Variants in PLCB2 observed in about 807,000 individuals in gnomAD.
PLCB2 encodes the protein phospholipase C beta 2.
A neutral mutation model predicts 141.7 loss-of-function variants in PLCB2; 115 were observed. The observed-to-expected ratio is 0.81, with a 90% CI of 0.70 to 0.95. The LOEUF (loss-of-function observed/expected upper bound fraction) is 0.95, where lower values mean the gene tolerates loss of function less well. Ranked by LOEUF, PLCB2 falls within the 40% of genes least tolerant of loss-of-function variation. The pLI is 0.00. For missense variants in PLCB2, 1,403 were observed against 1,541.1 expected (o/e 0.91, Z 1.50); for synonymous variants, 603 against 595.6 (o/e 1.01, Z -0.18).
Position 40,290,626 on chromosome 15 carries a change from G to C in PLCB2, c.3160C>G (p.Arg1054Gly). ...GTGACTTTGGTCATGCCCTGGATCC[G>C]CTCCAGTCTCTTTGTCTCCAGCTTT... ...KKKLETKRLE[R>G]IQGMTKVTTD... is the part of the protein sequence containing the mutation. Residue 1054 changes from arginine to glycine, a missense_variant, in exon 29 of 32, where the codon CGG becomes GGG. Coordinates refer to ENST00000260402, the MANE Select transcript of PLCB2 (RefSeq NM_004573.3). 6.2e-7 allele frequency: 1 copy of C among 1,614,124 alleles called. No homozygotes were observed. Among genetic ancestry groups the C allele is most frequent in the Non-Finnish European group, 8.5e-7 (1 of 1,180,008 alleles).
Position 40,290,813 on chromosome 15 carries a change from C to T in PLCB2, c.3061G>A (p.Ala1021Thr), listed in dbSNP as rs562330280. The part of the protein sequence containing the change: ...AEQISKMMEL[A>T]REKQAAELKA... The stretch of plus-strand genomic sequence containing the variant: ...AGCTCTGCCGCCTGTTTCTCTCTGG[C>T]CAGCTCCATCATTTTGGAGATTTGC... Residue 1021 changes from alanine (A) to threonine (T), a missense_variant, in exon 28 of 32, where the codon GCC becomes ACC. Transcript: ENST00000260402. 6.1e-5 allele frequency: 99 copies of T among 1,613,480 alleles called. 1 individual carries two copies. The South Asian group carries it at 9.7e-4, about 16-fold the overall frequency.
At chr15:40,293,844 C>T in intron 19 of PLCB2, 120 bp from the exon 20 acceptor site, 2 of 969,638 alleles carry the variant, frequency 2.1e-6, no homozygotes, top group South Asian at 3.2e-5. Flanking sequence ...TGAAGAACCT[C>T]ACTCAGCTCT....
downstream of PLCB2, among the ~76,000 whole-genome samples, chr15:40,285,071 G>C (rs1215909449): frequency 6.6e-6 from 1 of 152,076 alleles, no homozygotes; most frequent in Non-Finnish European, 1.5e-5. Context: ...GTGGCAAAGT[G>C]GGCTCATGGC....
rs758327293 is a variant in PLCB2 at position 40,291,876 on chromosome 15, A to ATG, written c.2574_2575insCA (p.Leu859HisfsTer21). 1 of 1,614,100 alleles carries ATG rather than the reference A, an allele frequency of 6.2e-7. No individual in the cohort carries two copies. Among genetic ancestry groups the ATG allele is most frequent in the South Asian group, 1.1e-5 (1 of 91,086 alleles). ...GGTGACCCATTGCTCGTTGGGGCCAACGCCCCATTGACCTGGCTGGCAACT... is the reference window on the plus strand; with the variant it reads ...GGTGACCCATTGCTCGTTGGGGCCAATGCGCCCCATTGACCTGGCTGGCAACT... On this transcript the variant is annotated frameshift_variant, in exon 24 of 32. Coordinates refer to ENST00000260402, the MANE Select transcript of PLCB2 (RefSeq NM_004573.3). LOFTEE classifies it high-confidence loss of function.
chr15:40,304,065 G>T lies in PLCB2; in HGVS notation c.98C>A (p.Ala33Asp). 6.3e-7 allele frequency: 1 copy of T among 1,598,722 alleles called. No individual in the cohort carries two copies. Among genetic ancestry groups the T allele is most frequent in the South Asian group, 1.1e-5 (1 of 88,144 alleles). The stretch of plus-strand genomic sequence containing the variant: ...ATCCACACGGAGGATAACTGGAGAG[G>T]CAACTGTAGTTTCCTGCAGAGAGAA... ...FIKWDDETTVASPVILRVDPK... is the reference protein window; with the variant it reads ...FIKWDDETTVDSPVILRVDPK... The change falls in exon 2 of 32, where the codon GCC becomes GAC. Residue 33 changes from alanine to aspartate, a missense_variant. Around this residue, in one of 4 missense-constraint regions of PLCB2, gnomAD observed 975 missense variants for 1,141.1 expected, o/e 0.85. Coordinates refer to ENST00000260402, the MANE Select transcript of PLCB2 (RefSeq NM_004573.3).
At position 40,304,057 on chromosome 15, in the gene PLCB2, C is replaced by A. The variant is rs543577992; in HGVS notation, c.106G>T (p.Val36Phe). ...WDDETTVASPVILRVDPKGYY... is the reference protein window; with the variant it reads ...WDDETTVASPFILRVDPKGYY... Reference sequence around the variant, plus strand: ...CCCTTAGGATCCACACGGAGGATAACTGGAGAGGCAACTGTAGTTTCCTGC... The same window carrying A: ...CCCTTAGGATCCACACGGAGGATAAATGGAGAGGCAACTGTAGTTTCCTGC... Residue 36 changes from valine to phenylalanine, a missense_variant, in exon 2 of 32, where the codon GTT (valine) becomes TTT (phenylalanine). Val to Phe is a conservative substitution (Grantham distance 50). Transcript: ENST00000260402. 1 of 1,600,588 alleles carries A rather than the reference C, an allele frequency of 6.2e-7. No homozygotes were observed. The highest frequency in any genetic ancestry group is 1.1e-5 in the South Asian group (1 of 88,348).
chr15:40,296,812 T>G lies in PLCB2; in HGVS notation c.1420A>C (p.Ser474Arg). 6.2e-7 allele frequency: 1 copy of G among 1,614,150 alleles called. No homozygotes were observed. Among genetic ancestry groups the G allele is most frequent in the Non-Finnish European group, 8.5e-7 (1 of 1,179,986 alleles). The change falls in exon 14 of 32, where the codon AGT becomes CGT. Residue 474 changes from serine to arginine, a missense_variant. Coordinates refer to ENST00000260402, the MANE Select transcript of PLCB2 (RefSeq NM_004573.3). Reference sequence around the variant, plus strand: ...TCAGCCTCCCCACCAGTATCCTTACTGGAGGAGGTGGGGCCAGAAAACTGG... The same window carrying G: ...TCAGCCTCCCCACCAGTATCCTTACGGGAGGAGGTGGGGCCAGAAAACTGG... ...KNQFSGPTSS[S>R]KDTGGEAEGS...
Position 40,296,650 on chromosome 15 carries a change from C to T in PLCB2, c.1487-16G>A, listed in dbSNP as rs990034313. The T allele has an allele frequency of 6.2e-7, 1 of 1,612,792 alleles. No individual in the cohort carries two copies. Among genetic ancestry groups the T allele is most frequent in the East Asian group, 2.2e-5 (1 of 44,868 alleles). On this transcript the variant is annotated splice_polypyrimidine_tract_variant and intron_variant, in intron 14 of 31. Coordinates refer to ENST00000260402, the MANE Select transcript of PLCB2 (RefSeq NM_004573.3). ...CCAGCCCACACTGCCACATACAGCT[C>T]TGTCGGCACTGGCTCCTGCATGGCT...
Position 40,295,193 on chromosome 15 carries a change from A to G in PLCB2, c.1781+8T>C, listed in dbSNP as rs944831526. ...CAAGGACCCTGGCCACTGAAACCTC[A>G]AGGATACTCCACAAACTGCACCGAG... On this transcript the variant is annotated splice_region_variant and intron_variant, in intron 17 of 31. Coordinates refer to ENST00000260402, the MANE Select transcript of PLCB2 (RefSeq NM_004573.3). 1 of 1,611,970 alleles carries G rather than the reference A, an allele frequency of 6.2e-7. No homozygotes were observed. Among genetic ancestry groups the G allele is most frequent in the African/African-American group, 1.3e-5 (1 of 74,984 alleles).
chr15:40,297,723 G>T lies in PLCB2; in HGVS notation c.1239-118C>A. 1.0e-6 allele frequency: 1 copy of T among 975,194 alleles called. No homozygotes were observed. The highest frequency in any genetic ancestry group is 1.6e-6 in the Non-Finnish European group (1 of 625,084). The allele number at this position is 975,194 out of a possible 1,614,324, so 60.4% of individuals were successfully genotyped here. A position where few individuals can be genotyped will look rare whatever the true frequency, so the allele number is the denominator to read the frequency against. ...CAGGAGGTCAGGGAGGCTGGGACTC[G>T]AGCAGGAGAACATGAGGCCTTAGGG... On this transcript the variant is annotated intron_variant, in intron 12 of 31. Coordinates refer to ENST00000260402, the MANE Select transcript of PLCB2 (RefSeq NM_004573.3). This position sits in a 1 kb window ranked among gnomAD's most constrained non-coding sequence, Gnocchi z 4.2.
intron 3 of PLCB2, 58 bp from the exon 4 acceptor site, chr15:40,302,667 G>A: frequency 6.3e-7 from 1 of 1,586,650 alleles, no homozygotes; most frequent in South Asian, 1.1e-5. Flanking sequence ...GCCCAGTGTG[G>A]CTCTCTCTGG....
chr15:40,286,708 C>T (rs928843816), downstream of PLCB2, among the ~76,000 whole-genome samples: 1 of 152,198 alleles, frequency 6.6e-6, no homozygotes, highest in Non-Finnish European at 1.5e-5. Context: ...ACATCCCCTG[C>T]AGCCAGAGAC....
At position 40,292,098 on chromosome 15, in the gene PLCB2, A is replaced by C. The variant is rs757739588; in HGVS notation, c.2492T>G (p.Val831Gly). Reference sequence around the variant, plus strand: ...ACCTCCCATGGCCTCCTTGAGCTTCACAGACTTCGTGTCATGGGCACTGAA... The same window carrying C: ...ACCTCCCATGGCCTCCTTGAGCTTCCCAGACTTCGTGTCATGGGCACTGAA... ...KFFSAHDTKS[V>G]KLKEAMGGLP... Residue 831 changes from valine to glycine, a missense_variant, in exon 23 of 32, where the codon GTG (valine) becomes GGG (glycine). Around this residue, in one of 4 missense-constraint regions of PLCB2, gnomAD observed 975 missense variants for 1,141.1 expected, o/e 0.85. Coordinates refer to ENST00000260402, the MANE Select transcript of PLCB2 (RefSeq NM_004573.3). 1.2e-6 allele frequency: 2 copies of C among 1,614,204 alleles called. No individual in the cohort carries two copies. The highest frequency in any genetic ancestry group is 2.2e-5 in the South Asian group (2 of 91,084).
rs1235306600 is a variant in PLCB2 at position 40,297,949 on chromosome 15, T to A, written c.1166A>T (p.Glu389Val). The change falls in exon 12 of 32, where the codon GAG becomes GTG. Residue 389 changes from glutamate (E) to valine (V), a missense_variant. Physicochemically the swap from Glu to Val is moderately radical, Grantham distance 121. Around this residue, in one of 4 missense-constraint regions of PLCB2, gnomAD observed 975 missense variants for 1,141.1 expected, o/e 0.85. Coordinates refer to ENST00000260402, the MANE Select transcript of PLCB2 (RefSeq NM_004573.3). The surrounding 1 kb of genome is among the most constrained non-coding windows in gnomAD (Gnocchi z 4.2). ...CTTAAAGGCGCTTTCTGCAATAGCC[T>A]CAATTGCTTCCTGGAGGAGAAGGAG... ...TTDIFFKEAI[E>V]AIAESAFKTS... 6.2e-6 allele frequency: 10 copies of A among 1,608,006 alleles called. No homozygotes were observed. The highest frequency in any genetic ancestry group is 7.7e-6 in the Non-Finnish European group (9 of 1,174,768).
chr15:40,307,545 C>T lies in PLCB2; in HGVS notation c.84+44G>A, dbSNP rs111488628. 5.3e-6 allele frequency: 7 copies of T among 1,310,982 alleles called. No individual in the cohort carries two copies. The African/African-American group carries it at 7.4e-5, about 14-fold the overall frequency. 81.2% of individuals were successfully genotyped at this position (1,310,982 alleles called of 1,614,324 possible). A position where few individuals can be genotyped will look rare whatever the true frequency, so the allele number is the denominator to read the frequency against. On this transcript the variant is annotated intron_variant, in intron 1 of 31. Transcript: ENST00000260402. ...GCAAAGCCCCGTAGCAGCCCGGCCC[C>T]CACCACCTGGTGCTCCAGCAGCTGA... is the stretch of plus-strand genomic sequence containing the variant.
chr15:40,296,867 C>T lies in PLCB2; in HGVS notation c.1365G>A (p.Arg455=). ...TCTTGTTCTTGATGAGGATCTTGCC[C>T]CTGAGATCCTCAGGGCTGGGCAGGG... is the stretch of plus-strand genomic sequence containing the variant. ...GVPLPSPEDL[R]GKILIKNKKN... is the part of the protein sequence containing the mutation. Residue 455 remains arginine, a synonymous_variant, in exon 14 of 32, where the codon AGG becomes AGA. Coordinates refer to ENST00000260402, the MANE Select transcript of PLCB2 (RefSeq NM_004573.3). 6.2e-7 allele frequency: 1 copy of T among 1,614,044 alleles called. No homozygotes were observed. Among genetic ancestry groups the T allele is most frequent in the Non-Finnish European group, 8.5e-7 (1 of 1,179,966 alleles).
chr15:40,304,240 G>A (rs903996440), intron 1 of PLCB2, among the ~76,000 whole-genome samples, 162 bp from the exon 2 acceptor site: 22 of 152,334 alleles, frequency 1.4e-4, no homozygotes, highest in African/African-American at 4.8e-4. Context: ...AGGAGGGACA[G>A]AGGATTGGGG....
Position 40,292,999 on chromosome 15 carries a change from G to A in PLCB2, c.2253C>T (p.Leu751=), listed in dbSNP as rs980064485. 3 of 1,605,148 alleles carry A rather than the reference G, an allele frequency of 1.9e-6. No homozygotes were observed. In the African/African-American group the frequency reaches 4.0e-5, roughly 22 times the overall value. ...TGCCTTCCTCCATCACAGCCACTCTGAGGGAGGCCAGCTCAGGCATCAAGA... is the reference window on the plus strand; with the variant it reads ...TGCCTTCCTCCATCACAGCCACTCTAAGGGAGGCCAGCTCAGGCATCAAGA... ...EKILMPELAS[L]RVAVMEEGNK... is the part of the protein sequence containing the mutation. The change falls in exon 21 of 32, where the codon CTC becomes CTT. Residue 751 remains leucine, a synonymous_variant. Transcript: ENST00000260402.
Position 40,289,367 on chromosome 15 carries a change from G to A in PLCB2, c.3268-9C>T. The A allele has an allele frequency of 6.2e-7, 1 of 1,608,542 alleles. No individual in the cohort carries two copies. Among genetic ancestry groups the A allele is most frequent in the Non-Finnish European group, 8.5e-7 (1 of 1,175,068 alleles). Reference sequence around the variant, plus strand: ...TCCAAGTTCTCCGTCATCTGGGTGGGAGTGGATGGCAGAGAATCAGGACAA... The same window carrying A: ...TCCAAGTTCTCCGTCATCTGGGTGGAAGTGGATGGCAGAGAATCAGGACAA... On this transcript the variant is annotated splice_polypyrimidine_tract_variant and intron_variant, in intron 30 of 31. Transcript: ENST00000260402.
Sources: gnomAD v4.1 joint callset for allele counts (sites outside exome capture counted in the v4.1 genomes callset) on GRCh38, gnomAD v4.1.1 for gene constraint, gnomAD v4.1.1 regional missense constraint, Gnocchi (gnomAD v3.1) non-coding constraint, MANE v1.5 for transcripts, NCBI Gene and HGNC (gene_info 2026-07-23, HGNC 2026-07-21) for gene names.